LIPM: variants seen among roughly 807,000 people sequenced by gnomAD.
The protein encoded by LIPM is lipase member M.
A neutral mutation model predicts 42.4 loss-of-function variants in LIPM; 42 were observed. The ratio of observed to expected loss-of-function variants is 0.99; its 90% CI spans 0.77 to 1.28. The LOEUF is 1.28. LIPM is among the 50% of genes most tolerant of loss of function. The probability of loss-of-function intolerance (pLI) is 0.00; values close to 1 mark genes in which losing one functional copy is unlikely to be tolerated. For missense variants in LIPM, 524 were observed against 520.1 expected (o/e 1.01, Z -0.07); for synonymous variants, 177 against 173.3 (o/e 1.02, Z -0.17).
In LIPM at chr10:88,808,349, A is replaced by T. The variant is rs1843613230; in HGVS notation, c.199A>T (p.Thr67Ser). ...TCCCTGTGAGGAATATGAAGTCGCA[A>T]CTGAAGATGGGTATATCCTTTCTGT... is the stretch of plus-strand genomic sequence containing the variant. ...GYPCEEYEVATEDGYILSVNR... is the reference protein window; with the variant it reads ...GYPCEEYEVASEDGYILSVNR... Residue 67 changes from threonine (T) to serine (S), a missense_variant, in exon 2 of 9, where the codon ACT becomes TCT. Coordinates refer to ENST00000404743, the MANE Select transcript of LIPM (RefSeq NM_001128215.1). 6.4e-7 allele frequency: 1 copy of T among 1,551,538 alleles called. No individual in the cohort carries two copies. The highest frequency in any genetic ancestry group is 1.4e-5 in the African/African-American group (1 of 73,036).
Position 88,820,450 on chromosome 10 carries a change from G to A in LIPM, c.1221G>A (p.Met407Ile), listed in dbSNP as rs982313974. ...HRMYNEIIHL[M>I]QQEETNLSQG... The stretch of plus-strand genomic sequence containing the variant: ...TGTACAATGAAATCATCCATCTGAT[G>A]CAGCAGGAGGAGACCAACCTTTCCC... The change falls in exon 9 of 9, where the codon ATG (methionine) becomes ATA (isoleucine). Residue 407 changes from methionine to isoleucine, a missense_variant. Met to Ile is a conservative substitution (Grantham distance 10). Transcript: ENST00000404743. The A allele has an allele frequency of 8.4e-6, 13 of 1,551,926 alleles. No homozygotes were observed. Among genetic ancestry groups the A allele is most frequent in the Non-Finnish European group, 1.1e-5 (13 of 1,147,046 alleles).
intron 2 of LIPM, among the ~76,000 whole-genome samples, chr10:88,812,684 A>T (rs1843668930): frequency 6.6e-6 from 1 of 152,178 alleles, no homozygotes; most frequent in Non-Finnish European, 1.5e-5. Flanking sequence ...TTTGACATGA[A>T]GGTCTCTTAA....
At chr10:88,813,320 G>A in intron 3 of LIPM, 25 bp downstream of exon 3, 1 of 1,491,818 alleles carries the variant, frequency 6.7e-7, no homozygotes, top group Non-Finnish European at 9.0e-7. Context: ...CGAGAACAGA[G>A]GTAGACATGT....
rs1205650860 is a variant in LIPM at position 88,802,739 on chromosome 10, G to C, written c.-158G>C. 1.5e-6 allele frequency: 1 copy of C among 683,314 alleles called. No individual in the cohort carries two copies. The highest frequency in any genetic ancestry group is 2.8e-5 in the East Asian group (1 of 35,630). The allele number at this position is 683,314 out of a possible 1,614,324, so 42.3% of individuals were successfully genotyped here. ...AGGCAATGTTTCCAGCCTACTTTGT[G>C]TTCTTTCCCTACCAACTAAGCTTGC... is the stretch of plus-strand genomic sequence containing the variant. On this transcript the variant is annotated 5_prime_UTR_variant, in exon 1 of 9. Transcript: ENST00000404743.
Position 88,812,986 on chromosome 10 carries a change from C to T in LIPM, c.266-111C>T, listed in dbSNP as rs1843671978. ...CCAAGATAACTAAGCTAGCAAGCAG[C>T]TGAATCAAGATCTGAACACAGGTTT... is the stretch of plus-strand genomic sequence containing the variant. On this transcript the variant is annotated intron_variant, in intron 2 of 8. Coordinates refer to ENST00000404743, the MANE Select transcript of LIPM (RefSeq NM_001128215.1). 7.8e-6 allele frequency: 7 copies of T among 895,614 alleles called. No homozygotes were observed. In the South Asian group the frequency reaches 1.2e-4, roughly 15 times the overall value. The allele number at this position is 895,614 out of a possible 1,614,324, so 55.5% of individuals were successfully genotyped here.
intron 7 of LIPM, among the ~76,000 whole-genome samples, chr10:88,817,427 AT>A (rs1843730440): frequency 6.6e-6 from 1 of 152,284 alleles, no homozygotes; most frequent in Admixed American, 6.5e-5. Context: ...AGAGAGAGCA[AT>A]TGTACCATCA....
chr10:88,810,180 C>T (rs1843637139), intron 2 of LIPM, among the ~76,000 whole-genome samples: 1 of 152,152 alleles, frequency 6.6e-6, no homozygotes, highest in Non-Finnish European at 1.5e-5. Flanking sequence ...CATTCTGGTG[C>T]TAATAAATAT....
chr10:88,807,488 G>A (rs1843603400), intron 1 of LIPM, among the ~76,000 whole-genome samples: 3 of 152,178 alleles, frequency 2.0e-5, no homozygotes, highest in Non-Finnish European at 4.4e-5. Context: ...TAGTGAGGAT[G>A]CTTAGAAGAT....
chr10:88,813,757 G>C (rs1193712269), intron 3 of LIPM, among the ~76,000 whole-genome samples: 1 of 152,160 alleles, frequency 6.6e-6, no homozygotes, highest in African/African-American at 2.4e-5. Flanking sequence ...TCACAGTTCA[G>C]CGGGGCTGGG....
rs1843612522 is a variant in LIPM, at chr10:88,808,305, T to A, written c.155T>A (p.Ile52Asn). The change falls in exon 2 of 9, where the codon ATC (isoleucine) becomes AAC (asparagine). Residue 52 changes from isoleucine (I) to asparagine (N), a missense_variant. Transcript: ENST00000404743. ...ATTGTGCTTTTTCCATAGAGTGAAA[T>A]CATCCAACATCAAGGCTATCCCTGT... ...DPEAFMNISE[I>N]IQHQGYPCEE... 1 of 1,541,692 alleles carries A rather than the reference T, an allele frequency of 6.5e-7. No homozygotes were observed. Among genetic ancestry groups the A allele is most frequent in the East Asian group, 2.4e-5 (1 of 40,866 alleles).
At position 88,813,145 on chromosome 10, in the gene LIPM, G is replaced by A. The variant is rs1843674162; in HGVS notation, c.314G>A (p.Ser105Asn). ...CAGCATGGCCTAGTTGGAGGTGCTA[G>A]CAACTGGATTTCCAACCTGCCCAAC... ...LLQHGLVGGA[S>N]NWISNLPNNS... The change falls in exon 3 of 9, where the codon AGC (serine) becomes AAC (asparagine). Residue 105 changes from serine (S) to asparagine (N), a missense_variant. Coordinates refer to ENST00000404743, the MANE Select transcript of LIPM (RefSeq NM_001128215.1). 1 of 1,610,808 alleles carries A rather than the reference G, an allele frequency of 6.2e-7. No homozygotes were observed. The highest frequency in any genetic ancestry group is 1.1e-5 in the South Asian group (1 of 90,686).
At chr10:88,808,111 A>G (rs752788123) in intron 1 of LIPM, among the ~76,000 whole-genome samples, 187 bp from the exon 2 acceptor site, 14 of 152,182 alleles carry the variant, frequency 9.2e-5, no homozygotes, top group Non-Finnish European at 1.8e-4. Context: ...TCCGGTTTCC[A>G]TATTAAGACA....
chr10:88,814,142 T>G (rs1454968243), intron 3 of LIPM, among the ~76,000 whole-genome samples: 1 of 152,240 alleles, frequency 6.6e-6, no homozygotes, highest in African/African-American at 2.4e-5. Context: ...TCAACTCACT[T>G]TTTATGGCTA....
chr10:88,817,182 G>A (rs533754320), intron 7 of LIPM, among the ~76,000 whole-genome samples: 1 of 152,330 alleles, frequency 6.6e-6, no homozygotes, highest in South Asian at 2.1e-4. Flanking sequence ...TGTGGCTGGA[G>A]ATAATTATGT....
intron 8 of LIPM, among the ~76,000 whole-genome samples, chr10:88,819,637 T>G (rs923830634): frequency 6.6e-6 from 1 of 152,204 alleles, no homozygotes; most frequent in Non-Finnish European, 1.5e-5. Flanking sequence ...AATTGGTATA[T>G]TTGGTGGGGA....
intron 2 of LIPM, among the ~76,000 whole-genome samples, chr10:88,811,133 A>C (rs551469233): frequency 6.6e-6 from 1 of 152,078 alleles, no homozygotes; most frequent in African/African-American, 2.4e-5. Context: ...CTTTTGTCCT[A>C]CAGGGAGACT....
At chr10:88,806,100 G>C (rs994413735) in intron 1 of LIPM, 1 of 433,882 alleles carries the variant, frequency 2.3e-6, no homozygotes, top group South Asian at 1.7e-5. Flanking sequence ...AGCCAAGGGT[G>C]ATCTGTTGAC....
chr10:88,815,533 T>A (rs996298262), intron 6 of LIPM, 30 bp downstream of exon 6: 4 of 1,546,938 alleles, frequency 2.6e-6, no homozygotes, highest in South Asian at 1.2e-5. Flanking sequence ...ATTCCCAGCA[T>A]CCCAGCATAA....
At chr10:88,817,983 G>C in intron 8 of LIPM, 87 bp downstream of exon 8, 1 of 1,035,318 alleles carries the variant, frequency 9.7e-7, no homozygotes. Flanking sequence ...TTCTAGATAT[G>C]GGAATAAAAT....
Sources: allele counts gnomAD v4.1 joint callset (sites outside exome capture counted in the v4.1 genomes callset), GRCh38; gene constraint gnomAD v4.1.1; transcripts MANE v1.5; gene names NCBI Gene and HGNC (gene_info 2026-07-23, HGNC 2026-07-21).